The following SGCZ variants were observed in gnomAD, a reference collection of about 807,000 sequenced individuals.
SGCZ encodes sarcoglycan zeta.
SGCZ carries 40 observed loss-of-function variants against 41.3 expected under a neutral mutation model. The observed-to-expected ratio is 0.97, with a 90% CI of 0.75 to 1.26. The LOEUF is 1.26. Ranked by LOEUF, SGCZ falls within the 50% of genes most tolerant of loss-of-function variation. The probability of loss-of-function intolerance (pLI) is 0.00; values close to 1 mark genes in which losing one functional copy is unlikely to be tolerated. For missense variants in SGCZ, 552 were observed against 369.8 expected (o/e 1.49, Z -4.04); for synonymous variants, 206 against 137.5 (o/e 1.50, Z -3.49).
At chr8:14,091,794 A>G (rs1288810407) in intron 7 of SGCZ, among the ~76,000 whole-genome samples, 2 of 152,096 alleles carry the variant, frequency 1.3e-5, no homozygotes, top group Non-Finnish European at 2.9e-5. Context: ...GTTCACTCTG[A>G]TGATAGTTTC....
At chr8:14,386,483 A>G (rs991266774) in intron 2 of SGCZ, among the ~76,000 whole-genome samples, 1 of 152,204 alleles carries the variant, frequency 6.6e-6, no homozygotes, top group Non-Finnish European at 1.5e-5. Flanking sequence ...CTGAACACAC[A>G]TAAAAATATA....
intron 2 of SGCZ, among the ~76,000 whole-genome samples, chr8:14,522,921 G>A (rs1415542336): frequency 2.0e-5 from 3 of 151,460 alleles, no homozygotes; most frequent in Non-Finnish European, 4.4e-5. Flanking sequence ...TTGTCTTTTA[G>A]TTTTTATTAT....
At chr8:15,080,749 C>G (rs1330382212) in intron 1 of SGCZ, among the ~76,000 whole-genome samples, 3 of 152,038 alleles carry the variant, frequency 2.0e-5, no homozygotes, top group Non-Finnish European at 4.4e-5. Context: ...TGTCACCATG[C>G]TCAGCTAATT....
intron 1 of SGCZ, among the ~76,000 whole-genome samples, chr8:14,944,864 A>G (rs1800389301): frequency 6.6e-6 from 1 of 152,136 alleles, no homozygotes; most frequent in Admixed American, 6.6e-5. Context: ...ATTAAGTCAA[A>G]CCATTGTAAG....
At chr8:14,989,350 G>T (rs187798986) in intron 1 of SGCZ, among the ~76,000 whole-genome samples, 1 of 152,228 alleles carries the variant, frequency 6.6e-6, no homozygotes, top group African/African-American at 2.4e-5. Context: ...GCCGAGCGTG[G>T]TGGTGTATGC....
chr8:14,612,214 T>G (rs369124703), intron 1 of SGCZ, among the ~76,000 whole-genome samples: 154 of 152,286 alleles, frequency 1.0e-3, no homozygotes, highest in African/African-American at 3.5e-3. Context: ...AATCCCCATG[T>G]GTTGAGGGAG....
At chr8:14,204,572 C>A (rs1037177168) in intron 4 of SGCZ, among the ~76,000 whole-genome samples, 2 of 152,072 alleles carry the variant, frequency 1.3e-5, no homozygotes, top group African/African-American at 4.8e-5. Flanking sequence ...AGCATTATTT[C>A]TGGGTGTGTC....
chr8:14,559,107 A>G (rs1225514274), intron 1 of SGCZ, among the ~76,000 whole-genome samples: 1 of 152,108 alleles, frequency 6.6e-6, no homozygotes, highest in Non-Finnish European at 1.5e-5. Context: ...CCTCTTCAAC[A>G]TAGTACTAGA....
At chr8:14,737,234 T>A (rs1258220212) in intron 1 of SGCZ, among the ~76,000 whole-genome samples, 1 of 150,856 alleles carries the variant, frequency 6.6e-6, no homozygotes, top group Non-Finnish European at 1.5e-5. Context: ...TGGTAGAGGG[T>A]TTCTTAGTAT....
At chr8:15,226,818 T>A (rs1356962703) in intron 1 of SGCZ, among the ~76,000 whole-genome samples, 1 of 150,424 alleles carries the variant, frequency 6.6e-6, no homozygotes, top group Admixed American at 6.6e-5. Flanking sequence ...TGGTCTAGGG[T>A]TCTAACAGAA....
chr8:14,548,276 G>C (rs549314305), intron 2 of SGCZ, among the ~76,000 whole-genome samples: 2 of 152,112 alleles, frequency 1.3e-5, no homozygotes, highest in African/African-American at 4.8e-5. Flanking sequence ...CTGCTGAAAG[G>C]TTAGTTGGAG....
intron 1 of SGCZ, among the ~76,000 whole-genome samples, chr8:15,002,663 G>T (rs574395383): frequency 1.3e-5 from 2 of 152,198 alleles, no homozygotes; most frequent in South Asian, 4.2e-4. Flanking sequence ...AAGCTTTTTG[G>T]GGGGAAATCT....
intron 2 of SGCZ, among the ~76,000 whole-genome samples, chr8:14,534,859 C>T (rs747607661): frequency 6.6e-6 from 1 of 151,940 alleles, no homozygotes; most frequent in African/African-American, 2.4e-5. Context: ...CCATCTAGTA[C>T]TGTACCATCT....
At chr8:14,312,144 T>C (rs773588227) in intron 3 of SGCZ, among the ~76,000 whole-genome samples, 117 of 152,136 alleles carry the variant, frequency 7.7e-4, no homozygotes, top group African/African-American at 7.2e-4. Flanking sequence ...TATACGTATA[T>C]GTATACATGC....
chr8:14,540,169 A>C (rs1345737362), intron 2 of SGCZ, among the ~76,000 whole-genome samples: 1 of 145,786 alleles, frequency 6.9e-6, no homozygotes, highest in Non-Finnish European at 1.5e-5. Flanking sequence ...TCGTTCAAAG[A>C]TTGGTGCTAT....
At chr8:15,145,640 A>C (rs556705) in intron 1 of SGCZ, among the ~76,000 whole-genome samples, 5,971 of 152,178 alleles carry the variant, frequency 0.039, 380 homozygotes, top group African/African-American at 0.14. Flanking sequence ...TTTTCTTCAG[A>C]GACAAGGTCT....
At chr8:14,658,753 G>A (rs772119491) in intron 1 of SGCZ, among the ~76,000 whole-genome samples, 5 of 151,944 alleles carry the variant, frequency 3.3e-5, no homozygotes, top group African/African-American at 4.8e-5. Flanking sequence ...TTTGTTATTC[G>A]TTTAGCTCAG....
intron 4 of SGCZ, among the ~76,000 whole-genome samples, chr8:14,236,475 A>G (rs1035015909): frequency 6.6e-6 from 1 of 152,088 alleles, no homozygotes; most frequent in Non-Finnish European, 1.5e-5. Flanking sequence ...AATTAAGTAC[A>G]CAGAATCAAA....
In SGCZ at chr8:14,360,348, T is replaced by C. The variant is rs1256765126; in HGVS notation, c.235-36144A>G. On this transcript the variant is annotated intron_variant, in intron 2 of 7. Transcript: ENST00000382080. Reference sequence around the variant, plus strand: ...AAATTTGTAATTTTTTTTTTTTTCTTTTTGAGACAGTGTCTTGCTCTATCA... The same window carrying C: ...AAATTTGTAATTTTTTTTTTTTTCTCTTTGAGACAGTGTCTTGCTCTATCA... Among the ~76,000 whole-genome samples, 4 of 152,040 alleles carry C rather than the reference T, an allele frequency of 2.6e-5. No homozygotes were observed. The East Asian group carries it at 7.7e-4, about 29-fold the overall frequency.
Sources: gnomAD v4.1 joint callset for allele counts (sites outside exome capture counted in the v4.1 genomes callset) on GRCh38, gnomAD v4.1.1 for gene constraint, MANE v1.5 for transcripts, NCBI Gene and HGNC (gene_info 2026-07-23, HGNC 2026-07-21) for gene names.